The following SH3TC2 variants were observed in gnomAD, a reference collection of about 807,000 sequenced individuals.
The protein encoded by SH3TC2 is SH3 domain and tetratricopeptide repeat-containing protein 2.
A neutral mutation model predicts 124.5 loss-of-function variants in SH3TC2; 87 were observed. The ratio of observed to expected loss-of-function variants is 0.70; its 90% CI spans 0.59 to 0.84. The LOEUF is 0.84. SH3TC2 is among the 40% of genes least tolerant of loss of function. The pLI is 0.00. For missense variants in SH3TC2, 1,536 were observed against 1,566.4 expected, an observed-to-expected ratio of 0.98 and a Z score of 0.33; for synonymous variants, 634 against 628.5, an observed-to-expected ratio of 1.01 and a Z score of -0.13.
chr5:148,999,025 A>G lies in SH3TC2; in HGVS notation c.*5686T>C, dbSNP rs1580882691. Among the ~76,000 whole-genome samples the G allele has an allele frequency of 6.6e-6, 1 of 152,230 alleles. No homozygotes were observed. Among genetic ancestry groups the G allele is most frequent in the African/African-American group, 2.4e-5 (1 of 41,474 alleles). On this transcript the variant is annotated 3_prime_UTR_variant, in exon 17 of 17. Coordinates refer to ENST00000515425, the MANE Select transcript of SH3TC2 (RefSeq NM_024577.4). ...TTAAGAATCTACTCAGTTCTGCTTCATTGTGACAGCTACCACCAATTGACA... is the reference window on the plus strand; with the variant it reads ...TTAAGAATCTACTCAGTTCTGCTTCGTTGTGACAGCTACCACCAATTGACA...
At position 149,023,583 on chromosome 5, in the gene SH3TC2, C is replaced by CTTTTTTTTTTT. The variant is rs5872108; in HGVS notation, c.3053+2978_3053+2988dup. 2.9e-3 allele frequency among the ~76,000 whole-genome samples: 306 copies of CTTTTTTTTTTT among 107,206 alleles called. 21 individuals are homozygous for CTTTTTTTTTTT. Among genetic ancestry groups the CTTTTTTTTTTT allele is most frequent in the African/African-American group, 7.1e-3 (187 of 26,484 alleles). The allele number at this position is 107,206 out of a possible 152,430, so 70.3% of individuals were successfully genotyped here. A position where few individuals can be genotyped will look rare whatever the true frequency, so the allele number is the denominator to read the frequency against. ...TATAACCTTCAATAATAGTGTAATC[C>CTTTTTTTTTTT]TTTTTTTTTTTTTTTTTTGAGAGAC... is the stretch of plus-strand genomic sequence containing the variant. On this transcript the variant is annotated intron_variant, in intron 12 of 16. Transcript: ENST00000515425.
chr5:149,033,134 G>A (rs184437588), intron 8 of SH3TC2, among the ~76,000 whole-genome samples: 1 of 152,238 alleles, frequency 6.6e-6, no homozygotes, highest in African/African-American at 2.4e-5. Context: ...GAATTGCATG[G>A]CTAGAAAGTG....
At position 149,062,967 on chromosome 5, in the gene SH3TC2, T is replaced by G. The variant is rs1170747720; in HGVS notation, c.52+4A>C. Reference sequence around the variant, plus strand: ...ACAGGCCAAGGGCCCCCTGGGAAACTCACCTGGGCCCCGGGTCAGACTCCG... The same window carrying G: ...ACAGGCCAAGGGCCCCCTGGGAAACGCACCTGGGCCCCGGGTCAGACTCCG... On this transcript the variant is annotated splice_donor_region_variant and intron_variant, in intron 1 of 16. Transcript: ENST00000515425. 3 of 1,588,378 alleles carry G rather than the reference T, an allele frequency of 1.9e-6. No homozygotes were observed. Among genetic ancestry groups the G allele is most frequent in the Admixed American group, 1.7e-5 (1 of 57,214 alleles).
chr5:149,045,147 A>T (rs1167978197), intron 3 of SH3TC2: 1 of 154,000 alleles, frequency 6.5e-6, no homozygotes, highest in East Asian at 1.9e-4. Context: ...ACTCCTAAAG[A>T]TCATCAGTGT....
At position 149,027,228 on chromosome 5, in the gene SH3TC2, C is replaced by T. The variant is rs761504265; in HGVS notation, c.2504G>A (p.Arg835Lys). Residue 835 changes from arginine to lysine, a missense_variant, in exon 11 of 17, where the codon AGG becomes AAG. By Grantham distance (26) the Arg-to-Lys change is conservative. Around this residue, in one of 3 missense-constraint regions of SH3TC2, gnomAD observed 1,102 missense variants for 1,098.6 expected, o/e 1.00. Coordinates refer to ENST00000515425, the MANE Select transcript of SH3TC2 (RefSeq NM_024577.4). ...TCCCAGGAGGTTATAGATGACTCCCCTTTGAGTGAGACTCTCTGTCTCCTT... is the reference window on the plus strand; with the variant it reads ...TCCCAGGAGGTTATAGATGACTCCCTTTTGAGTGAGACTCTCTGTCTCCTT... ...SLKETESLTQ[R>K]GVIYNLLGLA... The T allele has an allele frequency of 1.2e-6, 2 of 1,614,230 alleles. No individual in the cohort carries two copies. Among genetic ancestry groups the T allele is most frequent in the Non-Finnish European group, 1.7e-6 (2 of 1,180,052 alleles).
rs764896492 is a variant in SH3TC2 at position 148,987,380 on chromosome 5, T to C, written c.*17331A>G. Among the ~76,000 whole-genome samples the C allele has an allele frequency of 1.3e-5, 2 of 152,248 alleles. No individual in the cohort carries two copies. The highest frequency in any genetic ancestry group is 2.9e-5 in the Non-Finnish European group (2 of 68,046). The stretch of plus-strand genomic sequence containing the variant: ...ACAGCCTGGGGCAGTGCCAGGCACA[T>C]AGAAGGAATCTAACAACTATTTATT... On this transcript the variant is annotated 3_prime_UTR_variant, in exon 17 of 17. Transcript: ENST00000515425.
At chr5:149,012,784 GGGTCCACTCA>G in intron 12 of SH3TC2, 50 bp from the exon 13 acceptor site, 1 of 1,604,632 alleles carries the variant, frequency 6.2e-7, no homozygotes, top group Non-Finnish European at 8.5e-7. Flanking sequence ...AGGGGCCTTA[GGGTCCACTCA>G]GCACAGGATG....
At chr5:149,018,606 A>G (rs1561761032) in intron 12 of SH3TC2, among the ~76,000 whole-genome samples, 1 of 152,168 alleles carries the variant, frequency 6.6e-6, no homozygotes. Flanking sequence ...AAACCGTGCC[A>G]TGATTCAATT....
intron 12 of SH3TC2, among the ~76,000 whole-genome samples, chr5:149,014,999 C>T (rs892953322): frequency 6.6e-6 from 1 of 152,184 alleles, no homozygotes; most frequent in African/African-American, 2.4e-5. Flanking sequence ...TTTCTCCAGA[C>T]CTTCAGGGAA....
intron 1 of SH3TC2, chr5:149,062,456 A>G (rs1754769864): frequency 2.0e-6 from 1 of 489,536 alleles, no homozygotes; most frequent in Admixed American, 2.3e-5. Flanking sequence ...ACAACTCTCC[A>G]TTGCCTCAAC....
At chr5:149,047,796 C>T in intron 3 of SH3TC2, 66 bp downstream of exon 3, 1 of 1,606,366 alleles carries the variant, frequency 6.2e-7, no homozygotes, top group Non-Finnish European at 8.5e-7. Flanking sequence ...GTCTTAGATG[C>T]TAGGGATCCT....
intron 4 of SH3TC2, among the ~76,000 whole-genome samples, chr5:149,043,470 G>A (rs1304426294): frequency 1.3e-5 from 2 of 152,140 alleles, no homozygotes; most frequent in Non-Finnish European, 2.9e-5. Flanking sequence ...GGCTTCTTCT[G>A]TTTCCTAAGA....
Position 149,026,721 on chromosome 5 carries a change from A to C in SH3TC2, c.2904T>G (p.His968Gln). The C allele has an allele frequency of 6.2e-7, 1 of 1,614,196 alleles. No individual in the cohort carries two copies. The highest frequency in any genetic ancestry group is 8.5e-7 in the Non-Finnish European group (1 of 1,180,030). The change falls in exon 12 of 17, where the codon CAT becomes CAG. Residue 968 changes from histidine (H) to glutamine (Q), a missense_variant. His to Gln is a conservative substitution (Grantham distance 24). This residue lies in a region of SH3TC2 where 426 missense variants were observed against 443.5 expected (regional missense o/e 0.96). Transcript: ENST00000515425. ...SQLQATKSLC[H>Q]FYSSVSPNPE... ...GGTTTGGGGACACAGAGCTGTAGAA[A>C]TGGCAGAGGGATTTGGTGGCCTGAA...
intron 4 of SH3TC2, 91 bp downstream of exon 4, chr5:149,044,442 C>T: frequency 1.0e-6 from 1 of 973,158 alleles, no homozygotes; most frequent in Non-Finnish European, 1.7e-6. Context: ...CTCTTAATTA[C>T]CAGAGCCAGG....
At position 149,042,746 on chromosome 5, in the gene SH3TC2, A is replaced by T. The variant is rs77574155; in HGVS notation, c.477T>A (p.Ser159=). 1.9e-3 allele frequency: 3,131 copies of T among 1,614,164 alleles called. 59 individuals are homozygous for T. In the African/African-American group the frequency reaches 0.038, roughly 19 times the overall value. The change falls in exon 5 of 17, where the codon TCT becomes TCA. Residue 159 remains serine, a synonymous_variant. Coordinates refer to ENST00000515425, the MANE Select transcript of SH3TC2 (RefSeq NM_024577.4). ...TTGTTTCCAGGTGTTTATCATCTAC[A>T]GACACTTGGATCTCTGTATCCTCCA... ...ILVEDTEIQV[S]VDDKHLETIY...
At chr5:149,014,763 A>G (rs1213547674) in intron 12 of SH3TC2, among the ~76,000 whole-genome samples, 1 of 152,190 alleles carries the variant, frequency 6.6e-6, no homozygotes, top group African/African-American at 2.4e-5. Flanking sequence ...CAGTAACCAC[A>G]GGCATCTTTC....
intron 9 of SH3TC2, among the ~76,000 whole-genome samples, chr5:149,029,039 G>A (rs567371456): frequency 2.0e-4 from 30 of 151,868 alleles, no homozygotes; most frequent in African/African-American, 6.8e-4. Context: ...TGGGGACAGT[G>A]GGGGTCCTGA....
In SH3TC2 at chr5:148,998,706, C is replaced by T. The variant is rs1008835842; in HGVS notation, c.*6005G>A. On this transcript the variant is annotated 3_prime_UTR_variant, in exon 17 of 17. Transcript: ENST00000515425. ...CACCATGGCAGCTGGGGAGAATCCC[C>T]ACCCCCTAAGCAGTCACTTGTCTCT... Among the ~76,000 whole-genome samples the T allele has an allele frequency of 1.4e-4, 21 of 152,168 alleles. No homozygotes were observed. Among genetic ancestry groups the T allele is most frequent in the African/African-American group, 4.6e-4 (19 of 41,440 alleles).
In SH3TC2 at chr5:148,987,906, G is replaced by A. The variant is rs1191528167; in HGVS notation, c.*16805C>T. Among the ~76,000 whole-genome samples the A allele has an allele frequency of 6.6e-6, 1 of 151,556 alleles. No homozygotes were observed. Among genetic ancestry groups the A allele is most frequent in the Non-Finnish European group, 1.5e-5 (1 of 67,940 alleles). The stretch of plus-strand genomic sequence containing the variant: ...CTGAAAATCTCCACTCTGTGGCCCA[G>A]AGTAAGCTTACATAGTGAGTGCACC... On this transcript the variant is annotated 3_prime_UTR_variant, in exon 17 of 17. Transcript: ENST00000515425.
Sources: gnomAD v4.1 joint callset for allele counts (sites outside exome capture counted in the v4.1 genomes callset) on GRCh38, gnomAD v4.1.1 for gene constraint, gnomAD v4.1.1 regional missense constraint, MANE v1.5 for transcripts, NCBI Gene and HGNC (gene_info 2026-07-23, HGNC 2026-07-21) for gene names.